SUGCT: variants seen among roughly 807,000 people sequenced by gnomAD.
SUGCT encodes succinyl-CoA:glutarate-CoA transferase.
In SUGCT, 41 loss-of-function variants were observed where a neutral mutation model predicts 55.0. The ratio of observed to expected loss-of-function variants is 0.74; its 90% CI spans 0.58 to 0.97. The LOEUF (loss-of-function observed/expected upper bound fraction) is 0.97. Ranked by LOEUF, SUGCT falls within the 50% of genes least tolerant of loss-of-function variation. The pLI, the probability that SUGCT is intolerant of heterozygous loss-of-function variation, is 0.00. For missense variants in SUGCT, 568 were observed against 547.8 expected (o/e 1.04, Z -0.37); for synonymous variants, 187 against 200.4 (o/e 0.93, Z 0.56).
chr7:40,242,902 G>A (rs1275812982), intron 7 of SUGCT, among the ~76,000 whole-genome samples: 2 of 82,974 alleles, frequency 2.4e-5, no homozygotes, highest in Non-Finnish European at 4.5e-5. Flanking sequence ...ACTGTGCTAT[G>A]TGGCATATAT....
the SUGCT span, among the ~76,000 whole-genome samples, chr7:40,998,270 G>C: frequency 6.6e-6 from 1 of 152,074 alleles, no homozygotes; most frequent in Non-Finnish European, 1.5e-5. Flanking sequence ...TACTCAGGAG[G>C]CTGAGGCTGG....
the SUGCT span, among the ~76,000 whole-genome samples, chr7:40,907,980 G>GT: frequency 0.028 from 4,153 of 148,650 alleles, 170 homozygotes; most frequent in African/African-American, 0.095. Flanking sequence ...TAATTATCTA[G>GT]TTTTTTTTTT....
intron 8 of SUGCT, among the ~76,000 whole-genome samples, chr7:40,306,570 G>C (rs1372028750): frequency 6.6e-6 from 1 of 152,088 alleles, no homozygotes; most frequent in East Asian, 1.9e-4. Context: ...GTCATTTTTA[G>C]AACTTTTCAA....
Position 40,459,194 on chromosome 7 carries a change from G to A in SUGCT, c.982G>A (p.Glu328Lys). The stretch of plus-strand genomic sequence containing the variant: ...AAAAGAGCTTATTAAAATATTATCT[G>A]AACGGTAAGTTTGGATGTTGTATTC... ...NRKELIKILS[E>K]RFEEELTSKW... is the part of the protein sequence containing the mutation. Residue 328 changes from glutamate (E) to lysine (K), a missense_variant, in exon 11 of 14, where the codon GAA becomes AAA. Physicochemically the swap from Glu to Lys is moderately conservative, Grantham distance 56. Transcript: ENST00000335693. 1 of 1,581,470 alleles carries A rather than the reference G, an allele frequency of 6.3e-7. No homozygotes were observed. The highest frequency in any genetic ancestry group is 8.7e-7 in the Non-Finnish European group (1 of 1,153,008).
At chr7:40,911,922 A>C in the SUGCT span, among the ~76,000 whole-genome samples, 1 of 152,172 alleles carries the variant, frequency 6.6e-6, no homozygotes, top group Admixed American at 6.6e-5. Context: ...GTGTGTGTGC[A>C]CAGGTGTCAG....
chr7:40,208,736 G>T (rs1787153863), intron 6 of SUGCT, among the ~76,000 whole-genome samples: 1 of 151,892 alleles, frequency 6.6e-6, no homozygotes, highest in Admixed American at 6.6e-5. Context: ...GTAGAGACGG[G>T]GTTTCACCGT....
At chr7:40,747,846 C>T (rs1166279785) in intron 12 of SUGCT, among the ~76,000 whole-genome samples, 1 of 152,034 alleles carries the variant, frequency 6.6e-6, no homozygotes. Context: ...CATTTTGCCT[C>T]CAATAATTCA....
intron 13 of SUGCT, among the ~76,000 whole-genome samples, chr7:40,816,201 G>C (rs1791662557): frequency 6.6e-6 from 1 of 152,238 alleles, no homozygotes; most frequent in African/African-American, 2.4e-5. Flanking sequence ...TCCAAAGCAA[G>C]TCTTGCTCCA....
chr7:40,725,585 T>C (rs1161403008), intron 12 of SUGCT, among the ~76,000 whole-genome samples: 2 of 151,980 alleles, frequency 1.3e-5, no homozygotes, highest in Non-Finnish European at 2.9e-5. Flanking sequence ...TCTTTTTTTT[T>C]TTTTCTTTTC....
At chr7:40,667,241 T>A (rs1333787825) in intron 12 of SUGCT, among the ~76,000 whole-genome samples, 2 of 146,300 alleles carry the variant, frequency 1.4e-5, no homozygotes, top group Non-Finnish European at 3.0e-5. Context: ...GTTAATTTAA[T>A]TAATTATATT....
At chr7:40,428,846 A>C (rs1399965690) in intron 9 of SUGCT, among the ~76,000 whole-genome samples, 1 of 152,138 alleles carries the variant, frequency 6.6e-6, no homozygotes, top group South Asian at 2.1e-4. Flanking sequence ...ACACTGTTTC[A>C]TATTGCTATC....
the SUGCT span, chr7:40,966,081 T>C: frequency 1.3e-5 from 2 of 152,230 alleles, no homozygotes; most frequent in East Asian, 3.9e-4. Context: ...TCACAATCAT[T>C]CAATAAAAAG....
At chr7:40,835,257 G>A (rs989559362) in intron 13 of SUGCT, among the ~76,000 whole-genome samples, 1 of 152,108 alleles carries the variant, frequency 6.6e-6, no homozygotes, top group Non-Finnish European at 1.5e-5. Flanking sequence ...CTTGGAATTT[G>A]GTCTTTTGTC....
intron 12 of SUGCT, among the ~76,000 whole-genome samples, chr7:40,634,289 C>T (rs966922505): frequency 5.9e-5 from 9 of 152,220 alleles, no homozygotes; most frequent in South Asian, 2.1e-4. Flanking sequence ...TAATCTAACC[C>T]TTATCGTCCA....
chr7:40,531,891 A>C (rs910467627), intron 12 of SUGCT, among the ~76,000 whole-genome samples: 1 of 151,986 alleles, frequency 6.6e-6, no homozygotes, highest in African/African-American at 2.4e-5. Context: ...AGCCAGGATG[A>C]TCTCGATCTC....
chr7:40,265,467 C>G (rs1417412448), intron 7 of SUGCT, among the ~76,000 whole-genome samples: 1 of 152,160 alleles, frequency 6.6e-6, no homozygotes, highest in Non-Finnish European at 1.5e-5. Flanking sequence ...TCTCTCCCCC[C>G]TCCTTCTTTT....
At chr7:40,450,635 G>A (rs1789137555) in intron 10 of SUGCT, among the ~76,000 whole-genome samples, 1 of 151,942 alleles carries the variant, frequency 6.6e-6, no homozygotes, top group African/African-American at 2.4e-5. Flanking sequence ...CAATTAGCCA[G>A]GTGTGGCAGC....
At chr7:40,874,961 G>A in the SUGCT span, among the ~76,000 whole-genome samples, 1 of 152,226 alleles carries the variant, frequency 6.6e-6, no homozygotes, top group Non-Finnish European at 1.5e-5. Context: ...GATTTAGGCA[G>A]ATCCCATATG....
intron 1 of SUGCT, among the ~76,000 whole-genome samples, chr7:40,136,049 T>G (rs1787674735): frequency 6.6e-6 from 1 of 150,470 alleles, no homozygotes; most frequent in African/African-American, 2.5e-5. Flanking sequence ...CAGGCTGGAG[T>G]GCAGTGGCGC....
Sources: gnomAD v4.1 joint callset for allele counts (sites outside exome capture counted in the v4.1 genomes callset) on GRCh38, gnomAD v4.1.1 for gene constraint, MANE v1.5 for transcripts, NCBI Gene and HGNC (gene_info 2026-07-23, HGNC 2026-07-21) for gene names.